Variants in BLOC1S2 observed in about 807,000 individuals in gnomAD.
The protein encoded by BLOC1S2 is biogenesis of lysosomal organelles complex 1 subunit 2, also known as biogenesis of lysosome-related organelles complex 1 subunit 2.
In BLOC1S2, 12 loss-of-function variants were observed where a neutral mutation model predicts 19.6. The observed-to-expected ratio is 0.61, with a 90% CI of 0.39 to 0.99. The LOEUF (loss-of-function observed/expected upper bound fraction) is 0.99, where lower values mean the gene tolerates loss of function less well. Among genes scored for constraint, BLOC1S2 ranks in the 50% least tolerant of loss-of-function variants. The pLI is 0.00. For synonymous variants in BLOC1S2, 66 were observed against 64.1 expected, an observed-to-expected ratio of 1.03 and a Z score of -0.14; for missense variants, 142 against 171.0, an observed-to-expected ratio of 0.83 and a Z score of 0.95.
chr10:100,277,695 G>A (rs980987611), intron 4 of BLOC1S2, among the ~76,000 whole-genome samples: 3 of 139,982 alleles, frequency 2.1e-5, no homozygotes, highest in East Asian at 4.5e-4. Flanking sequence ...CGCCCCGTCC[G>A]GGAGGGAGGT....
chr10:100,275,454 T>G lies in BLOC1S2; in HGVS notation c.*8A>C. On this transcript the variant is annotated 3_prime_UTR_variant, in exon 5 of 5. Coordinates refer to ENST00000370372, the MANE Select transcript of BLOC1S2 (RefSeq NM_173809.5). ...AAAAAAAGACTCTGTCCCATAGAAA[T>G]AAGTTTCTCATCGCTTCTCCAGCTT... 1.9e-6 allele frequency: 3 copies of G among 1,603,442 alleles called. No individual in the cohort carries two copies. The highest frequency in any genetic ancestry group is 2.6e-6 in the Non-Finnish European group (3 of 1,173,528).
Position 100,286,534 on chromosome 10 carries a change from T to A in BLOC1S2, c.55+71A>T, listed in dbSNP as rs945548942. ...TCCTGCCAGGTGAGCCACCACACAC[T>A]CAACCTCGCCCACCCGAGACGGAGC... On this transcript the variant is annotated intron_variant, in intron 1 of 4. Transcript: ENST00000370372. The A allele has an allele frequency of 3.8e-6, 6 of 1,588,830 alleles. No homozygotes were observed. In the African/African-American group the frequency reaches 6.8e-5, roughly 18 times the overall value.
In BLOC1S2 at chr10:100,281,079, T is replaced by C. The variant is rs1288757027; in HGVS notation, c.173-26A>G. The C allele has an allele frequency of 8.1e-6, 13 of 1,610,154 alleles. No homozygotes were observed. The South Asian group carries it at 8.8e-5, about 11-fold the overall frequency. ...CTTGAAAATTAAACAGAAGATGTAA[T>C]GTCTTTAAGATTTGTCTTAAATCAT... On this transcript the variant is annotated intron_variant, in intron 2 of 4. Coordinates refer to ENST00000370372, the MANE Select transcript of BLOC1S2 (RefSeq NM_173809.5).
intron 4 of BLOC1S2, 37 bp from the exon 5 acceptor site, chr10:100,275,530 T>C (rs1847829163): frequency 1.3e-6 from 2 of 1,584,178 alleles, no homozygotes; most frequent in Non-Finnish European, 1.7e-6. Flanking sequence ...CTTTTAAAAC[T>C]GGCTCTTACA....
At position 100,273,445 on chromosome 10, in the gene BLOC1S2, C is replaced by G. The variant is rs1272680067; in HGVS notation, c.*2017G>C. 6.6e-6 allele frequency: 1 copy of G among 152,162 alleles called. No homozygotes were observed. The highest frequency in any genetic ancestry group is 1.5e-5 in the Non-Finnish European group (1 of 68,026). 9.4% of individuals were successfully genotyped at this position (152,162 alleles called of 1,614,324 possible). A position where few individuals can be genotyped will look rare whatever the true frequency, so the allele number is the denominator to read the frequency against. On this transcript the variant is annotated 3_prime_UTR_variant, in exon 5 of 5. Coordinates refer to ENST00000370372, the MANE Select transcript of BLOC1S2 (RefSeq NM_173809.5). ...TTGCAACTTTCCCGTAAATCTAAAT[C>G]TATTTTCAAAAAGTTTATGAAAACT...
At chr10:100,279,401 C>T (rs970760182) in intron 4 of BLOC1S2, among the ~76,000 whole-genome samples, 2 of 152,104 alleles carry the variant, frequency 1.3e-5, no homozygotes, top group Non-Finnish European at 2.9e-5. Flanking sequence ...CTTACTTATC[C>T]CCTTAAACCA....
chr10:100,278,180 C>T lies in BLOC1S2; in HGVS notation c.397+1944G>A, dbSNP rs1175377999. Among the ~76,000 whole-genome samples the T allele has an allele frequency of 4.8e-5, 7 of 146,296 alleles. No individual in the cohort carries two copies. The East Asian group carries it at 1.0e-3, about 22-fold the overall frequency. ...GAGGTGGGGGGGTCAGCCCCCTACCCGGCCAGCCGCCCCGTCCGGGAGGGA... is the reference window on the plus strand; with the variant it reads ...GAGGTGGGGGGGTCAGCCCCCTACCTGGCCAGCCGCCCCGTCCGGGAGGGA... On this transcript the variant is annotated intron_variant, in intron 4 of 4. Transcript: ENST00000370372.
At chr10:100,276,129 C>T (rs573562196) in intron 4 of BLOC1S2, among the ~76,000 whole-genome samples, 1 of 152,310 alleles carries the variant, frequency 6.6e-6, no homozygotes, top group South Asian at 2.1e-4. Context: ...TCACGGTAAT[C>T]ACTGGCTAAA....
chr10:100,277,400 C>G (rs541019049), intron 4 of BLOC1S2, among the ~76,000 whole-genome samples: 2 of 150,898 alleles, frequency 1.3e-5, no homozygotes, highest in South Asian at 4.2e-4. Flanking sequence ...CCGGCCGCCC[C>G]TACTGGGAAG....
rs71013439 is a variant in BLOC1S2 at position 100,281,711 on chromosome 10, T to TACACACACACACACAC, written c.173-674_173-659dup. On this transcript the variant is annotated intron_variant, in intron 2 of 4. Transcript: ENST00000370372. Reference sequence around the variant, plus strand: ...AAAAAAAAATATATATATATACACATACACACACACACACACACACACACA... The same window carrying TACACACACACACACAC: ...AAAAAAAAATATATATATATACACATACACACACACACACACACACACACACACACACACACACACA... Among the ~76,000 whole-genome samples the TACACACACACACACAC allele has an allele frequency of 6.6e-3, 877 of 132,500 alleles. 4 individuals are homozygous for TACACACACACACACAC. Among genetic ancestry groups the TACACACACACACACAC allele is most frequent in the Admixed American group, 0.011 (138 of 12,772 alleles). 86.9% of individuals were successfully genotyped at this position (132,500 alleles called of 152,430 possible). A position where few individuals can be genotyped will look rare whatever the true frequency, so the allele number is the denominator to read the frequency against.
Position 100,274,066 on chromosome 10 carries a change from AG to A in BLOC1S2, c.*1395del, listed in dbSNP as rs1847791933. On this transcript the variant is annotated 3_prime_UTR_variant, in exon 5 of 5. Transcript: ENST00000370372. Reference sequence around the variant, plus strand: ...AATCACTTGAGGCCAGTTCAAGACCAGCCTGGACAACATAGTGAGACTCCAT... The same window carrying A: ...AATCACTTGAGGCCAGTTCAAGACCACCTGGACAACATAGTGAGACTCCAT... 1 of 152,156 alleles carries A rather than the reference AG, an allele frequency of 6.6e-6. No homozygotes were observed. Among genetic ancestry groups the A allele is most frequent in the Admixed American group, 6.5e-5 (1 of 15,272 alleles). 9.4% of individuals were successfully genotyped at this position (152,156 alleles called of 1,614,324 possible).
intron 2 of BLOC1S2, among the ~76,000 whole-genome samples, chr10:100,285,818 T>G (rs192702412): frequency 1.1e-3 from 168 of 152,344 alleles, no homozygotes; most frequent in Non-Finnish European, 2.1e-3. Context: ...AATAATTCCC[T>G]TCACAACCCT....
intron 2 of BLOC1S2, among the ~76,000 whole-genome samples, chr10:100,285,777 C>T (rs1006446028): frequency 2.6e-5 from 4 of 152,204 alleles, no homozygotes; most frequent in Non-Finnish European, 5.9e-5. Flanking sequence ...CCACCTCATT[C>T]GCTAGTTGTA....
rs1377640851 is a variant in BLOC1S2 at position 100,286,615 on chromosome 10, C to G, written c.45G>C (p.Glu15Asp). 3 of 1,612,646 alleles carry G rather than the reference C, an allele frequency of 1.9e-6. No homozygotes were observed. The highest frequency in any genetic ancestry group is 1.3e-5 in the African/African-American group (1 of 74,918). The stretch of plus-strand genomic sequence containing the variant: ...ATCCATTCCGGGTACCTCGGGCGGG[C>G]TCATCACTCCGGGTCGCCAGTACGC... ...AEGVLATRSD[E>D]PARDDAAVET... Residue 15 changes from glutamate to aspartate, a missense_variant, in exon 1 of 5, where the codon GAG (glutamate) becomes GAC (aspartate). By Grantham distance (45) the Glu-to-Asp change is conservative. This residue lies in a region of BLOC1S2 where 48 missense variants were observed against 29.7 expected (regional missense o/e 1.61). Coordinates refer to ENST00000370372, the MANE Select transcript of BLOC1S2 (RefSeq NM_173809.5).
At position 100,286,680 on chromosome 10, in the gene BLOC1S2, C is replaced by G. The variant is rs747488827; in HGVS notation, c.-21G>C. On this transcript the variant is annotated 5_prime_UTR_variant, in exon 1 of 5. Transcript: ENST00000370372. ...GCCATAGCGGACCCCGCGCTGTTTC[C>G]GGGCCGGGGTGCTGCGCATGCGCAC... The G allele has an allele frequency of 1.0e-5, 16 of 1,606,286 alleles. No individual in the cohort carries two copies. The highest frequency in any genetic ancestry group is 1.3e-5 in the Non-Finnish European group (15 of 1,176,604).
At chr10:100,278,785 T>A (rs1848018787) in intron 4 of BLOC1S2, among the ~76,000 whole-genome samples, 1 of 146,264 alleles carries the variant, frequency 6.8e-6, no homozygotes, top group Non-Finnish European at 1.5e-5. Flanking sequence ...TCCCCCTCTG[T>A]GAGAAACACC....
rs932502350 is a variant in BLOC1S2, at chr10:100,273,366, A to G, written c.*2096T>C. On this transcript the variant is annotated 3_prime_UTR_variant, in exon 5 of 5. Transcript: ENST00000370372. ...ATTATCACTTGTACTCTGAAAATAC[A>G]TACATCTATTACACATCAATAAAAA... is the stretch of plus-strand genomic sequence containing the variant. 1 of 152,214 alleles carries G rather than the reference A, an allele frequency of 6.6e-6. No individual in the cohort carries two copies. Among genetic ancestry groups the G allele is most frequent in the African/African-American group, 2.4e-5 (1 of 41,458 alleles). 9.4% of individuals were successfully genotyped at this position (152,214 alleles called of 1,614,324 possible). A position where few individuals can be genotyped will look rare whatever the true frequency, so the allele number is the denominator to read the frequency against.
chr10:100,281,615 G>A lies in BLOC1S2; in HGVS notation c.173-562C>T, dbSNP rs564029283. ...AGAGAATTGCTTGAATCCAGGAGGCGGAGGTTGCAGTGAGCCGAGATTGTG... is the reference window on the plus strand; with the variant it reads ...AGAGAATTGCTTGAATCCAGGAGGCAGAGGTTGCAGTGAGCCGAGATTGTG... On this transcript the variant is annotated intron_variant, in intron 2 of 4. Transcript: ENST00000370372. 6.5e-4 allele frequency among the ~76,000 whole-genome samples: 99 copies of A among 151,254 alleles called. 2 individuals are homozygous for A. Among genetic ancestry groups the A allele is most frequent in the South Asian group, 6.3e-4 (3 of 4,798 alleles).
chr10:100,278,047 G>A lies in BLOC1S2; in HGVS notation c.397+2077C>T, dbSNP rs553270206. On this transcript the variant is annotated intron_variant, in intron 4 of 4. Coordinates refer to ENST00000370372, the MANE Select transcript of BLOC1S2 (RefSeq NM_173809.5). ...CCCCGCCCGGCCAGCCGCCCCGTCC[G>A]GGAGGGAGGTGGGGGGCTCAGCCCC... 2.7e-3 allele frequency among the ~76,000 whole-genome samples: 375 copies of A among 138,604 alleles called. 28 individuals carry two copies. The highest frequency in any genetic ancestry group is 1.0e-2 in the African/African-American group (354 of 35,502). The allele number at this position is 138,604 out of a possible 152,430, so 90.9% of individuals were successfully genotyped here. A position where few individuals can be genotyped will look rare whatever the true frequency, so the allele number is the denominator to read the frequency against.
Sources: gnomAD v4.1 joint callset for allele counts (sites outside exome capture counted in the v4.1 genomes callset) on GRCh38, gnomAD v4.1.1 for gene constraint, gnomAD v4.1.1 regional missense constraint, MANE v1.5 for transcripts, NCBI Gene and HGNC (gene_info 2026-07-23, HGNC 2026-07-21) for gene names.